The following PDE4B variants were observed in gnomAD, a reference collection of about 807,000 sequenced individuals.
The protein encoded by PDE4B is 3',5'-cyclic-AMP phosphodiesterase 4B.
Under a neutral mutation model 82.2 loss-of-function variants are expected in PDE4B, and 20 were observed. The ratio of observed to expected loss-of-function variants is 0.24; its 90% confidence interval spans 0.17 to 0.35. PDE4B has a LOEUF of 0.35. Among genes scored for constraint, PDE4B ranks in the 10% least tolerant of loss-of-function variants. The pLI, the probability that PDE4B is intolerant of heterozygous loss-of-function variation, is 1.00. For missense variants in PDE4B, 655 were observed against 907.2 expected, an observed-to-expected ratio of 0.72 and a Z score of 3.57; for synonymous variants, 320 against 318.9, an observed-to-expected ratio of 1.00 and a Z score of -0.04.
chr1:66,292,276 T>C (rs181242426), intron 7 of PDE4B, among the ~76,000 whole-genome samples: 1 of 152,342 alleles, frequency 6.6e-6, no homozygotes, highest in Admixed American at 6.5e-5. Context: ...AATAGTGTTT[T>C]ATATATCTAT....
At chr1:66,003,754 G>T (rs1448278386) in intron 3 of PDE4B, among the ~76,000 whole-genome samples, 1 of 152,172 alleles carries the variant, frequency 6.6e-6, no homozygotes, top group African/African-American at 2.4e-5. Context: ...AGAGGTCAGA[G>T]AAGACTGGAC....
At chr1:66,347,730 T>A (rs1017573894) in intron 8 of PDE4B, among the ~76,000 whole-genome samples, 14 of 152,310 alleles carry the variant, frequency 9.2e-5, no homozygotes, top group Admixed American at 9.2e-4. Flanking sequence ...CAATTAATAA[T>A]AAATACAATG....
rs915152292 is a variant in PDE4B, at chr1:66,018,720, A to G, written c.281+99885A>G. On this transcript the variant is annotated intron_variant, in intron 3 of 16. Transcript: ENST00000341517. ...ATCAGACTGAAAATAACACCATTTT[A>G]TAAGAATGTCTATGGATACAATCTT... is the stretch of plus-strand genomic sequence containing the variant. 2.0e-5 allele frequency among the ~76,000 whole-genome samples: 3 copies of G among 152,208 alleles called. No homozygotes were observed. In the East Asian group the frequency reaches 5.8e-4, roughly 29 times the overall value.
At chr1:66,172,277 G>T (rs1488946973) in intron 3 of PDE4B, among the ~76,000 whole-genome samples, 3 of 152,160 alleles carry the variant, frequency 2.0e-5, no homozygotes, top group Non-Finnish European at 4.4e-5. Context: ...CAAAGGACAT[G>T]ACTTCATTTT....
chr1:66,084,629 T>C (rs931370332), intron 3 of PDE4B, among the ~76,000 whole-genome samples: 9 of 152,178 alleles, frequency 5.9e-5, no homozygotes, highest in African/African-American at 2.2e-4. Flanking sequence ...ACCCTCAAAG[T>C]AGGTGCTGTT....
chr1:66,273,456 C>G (rs1655654544), intron 7 of PDE4B, among the ~76,000 whole-genome samples: 1 of 152,188 alleles, frequency 6.6e-6, no homozygotes, highest in Non-Finnish European at 1.5e-5. Context: ...GGGCCTGGGC[C>G]CTGATATATA....
chr1:66,152,406 C>A, intron 3 of PDE4B: 1 of 207,830 alleles, frequency 4.8e-6, no homozygotes, highest in South Asian at 7.6e-5. Context: ...TGAAGATGAG[C>A]AGGCAGGGTG....
chr1:65,818,665 T>G (rs951438560), intron 1 of PDE4B, among the ~76,000 whole-genome samples: 2 of 112,988 alleles, frequency 1.8e-5, no homozygotes, highest in Non-Finnish European at 3.5e-5. Flanking sequence ...TATGCATACA[T>G]ATATATTCAC....
chr1:65,976,035 A>G (rs1650389543), intron 3 of PDE4B, among the ~76,000 whole-genome samples: 1 of 152,172 alleles, frequency 6.6e-6, no homozygotes, highest in African/African-American at 2.4e-5. Context: ...ACTGTCCTCC[A>G]GACCCCAGAA....
At chr1:66,252,754 G>A (rs1168229556) in intron 4 of PDE4B, among the ~76,000 whole-genome samples, 3 of 152,032 alleles carry the variant, frequency 2.0e-5, no homozygotes, top group Admixed American at 2.0e-4. Context: ...CCTGGACAAC[G>A]TGGCGAAGCC....
chr1:65,858,722 T>C (rs546042225), intron 1 of PDE4B, among the ~76,000 whole-genome samples: 38 of 152,308 alleles, frequency 2.5e-4, no homozygotes, highest in Admixed American at 5.9e-4. Context: ...TATCTTCTGG[T>C]TAGTAAATCA....
intron 3 of PDE4B, among the ~76,000 whole-genome samples, chr1:66,008,789 G>A (rs1000577841): frequency 1.3e-5 from 2 of 151,572 alleles, no homozygotes; most frequent in African/African-American, 4.8e-5. Context: ...CCTTCACTTG[G>A]CCTCCAGAAC....
intron 7 of PDE4B, among the ~76,000 whole-genome samples, chr1:66,328,964 T>C (rs1659920273): frequency 6.6e-6 from 1 of 152,196 alleles, no homozygotes; most frequent in Admixed American, 6.5e-5. Context: ...TATGCTAAGA[T>C]CCAAGGGGTT....
chr1:66,216,041 A>G (rs1650425965), intron 3 of PDE4B, among the ~76,000 whole-genome samples: 1 of 152,108 alleles, frequency 6.6e-6, no homozygotes, highest in African/African-American at 2.4e-5. Flanking sequence ...GTAACAGCAA[A>G]GGGAAACTCA....
chr1:66,316,367 C>T (rs549747261), intron 7 of PDE4B, among the ~76,000 whole-genome samples: 8 of 152,138 alleles, frequency 5.3e-5, no homozygotes, highest in Admixed American at 3.9e-4. Flanking sequence ...ACCAGCAAAA[C>T]AAAAAACAAA....
At chr1:66,250,551 G>T (rs1653680728) in intron 4 of PDE4B, among the ~76,000 whole-genome samples, 1 of 152,164 alleles carries the variant, frequency 6.6e-6, no homozygotes, top group African/African-American at 2.4e-5. Context: ...ACAAAGGAGA[G>T]GATCAGAATA....
chr1:66,125,415 G>A (rs1283818733), intron 3 of PDE4B, among the ~76,000 whole-genome samples: 1 of 152,194 alleles, frequency 6.6e-6, no homozygotes, highest in Non-Finnish European at 1.5e-5. Context: ...ACCTGTCTCG[G>A]CCTTCCAAAG....
intron 3 of PDE4B, among the ~76,000 whole-genome samples, chr1:66,086,619 A>G (rs939208395): frequency 6.6e-6 from 1 of 152,172 alleles, no homozygotes; most frequent in South Asian, 2.1e-4. Context: ...TTAATTTTCT[A>G]TTATGCCAGT....
At chr1:65,929,442 C>T (rs1393711345) in intron 3 of PDE4B, among the ~76,000 whole-genome samples, 1 of 152,186 alleles carries the variant, frequency 6.6e-6, no homozygotes, top group South Asian at 2.1e-4. Flanking sequence ...CAATCAATCT[C>T]ACTTTAATAG....
Sources: gnomAD v4.1 joint callset for allele counts (sites outside exome capture counted in the v4.1 genomes callset) on GRCh38, gnomAD v4.1.1 for gene constraint, MANE v1.5 for transcripts, NCBI Gene and HGNC (gene_info 2026-07-23, HGNC 2026-07-21) for gene names.